The following BRSK2 variants were observed in gnomAD, a reference collection of about 807,000 sequenced individuals.
BRSK2 encodes BR serine/threonine kinase 2.
In BRSK2, 19 loss-of-function variants were observed where a neutral mutation model predicts 83.3. The ratio of observed to expected loss-of-function variants is 0.23; its 90% CI spans 0.16 to 0.33. The LOEUF is 0.33. Among genes scored for constraint, BRSK2 ranks in the 10% least tolerant of loss-of-function variants. The pLI is 1.00. For synonymous variants in BRSK2, 519 were observed against 435.4 expected, an observed-to-expected ratio of 1.19 and a Z score of -2.39; for missense variants, 798 against 1,042.3, an observed-to-expected ratio of 0.77 and a Z score of 3.23.
chr11:1,412,603 C>T (rs1022521335), intron 1 of BRSK2, among the ~76,000 whole-genome samples: 2 of 152,178 alleles, frequency 1.3e-5, no homozygotes, highest in Admixed American at 6.5e-5. Context: ...TCAGAAAATG[C>T]GAGACAGGGT....
At chr11:1,406,123 C>CCTCCTCCTGCCTGGCCTTCCT (rs1195309701) in intron 1 of BRSK2, among the ~76,000 whole-genome samples, 3 of 152,152 alleles carry the variant, frequency 2.0e-5, no homozygotes, top group African/African-American at 7.2e-5. Context: ...CCAGCCTTCC[C>CCTCCTCCTGCCTGGCCTTCCT]CTCCTCCTGC....
At chr11:1,417,045 G>A (rs1848171693) in intron 1 of BRSK2, among the ~76,000 whole-genome samples, 1 of 152,098 alleles carries the variant, frequency 6.6e-6, no homozygotes, top group South Asian at 2.1e-4. Flanking sequence ...TGTAATCCCA[G>A]CCACTCGGGA....
intron 1 of BRSK2, among the ~76,000 whole-genome samples, chr11:1,417,922 C>T (rs1174298469): frequency 2.1e-5 from 3 of 145,530 alleles, no homozygotes; most frequent in African/African-American, 7.8e-5. Context: ...TGTCCTGCTT[C>T]TGTTGGCAGT....
Position 1,397,448 on chromosome 11 carries a change from G to A in BRSK2, c.91+7073G>A, listed in dbSNP as rs144527256. ...GCCCCACCCACAGAGCAGTGCTCCC[G>A]AAAGTCCTGCTGTTAAAGAGAAACT... On this transcript the variant is annotated intron_variant, in intron 1 of 19. Transcript: ENST00000528841. Among the ~76,000 whole-genome samples, 473 of 152,334 alleles carry A rather than the reference G, an allele frequency of 3.1e-3. 2 individuals are homozygous for A. The highest frequency in any genetic ancestry group is 0.01 in the Middle Eastern group (3 of 294).
chr11:1,409,178 C>T (rs1847153267), intron 1 of BRSK2, among the ~76,000 whole-genome samples: 1 of 152,196 alleles, frequency 6.6e-6, no homozygotes, highest in Non-Finnish European at 1.5e-5. Flanking sequence ...GTTTCTCTGC[C>T]CCGCCCCAGC....
At chr11:1,420,420 C>T (rs1243135632) in intron 1 of BRSK2, among the ~76,000 whole-genome samples, 1 of 152,214 alleles carries the variant, frequency 6.6e-6, no homozygotes, top group Non-Finnish European at 1.5e-5. Flanking sequence ...TTCAGTTTTC[C>T]AGGTCCCCTG....
rs890737901 is a variant in BRSK2, at chr11:1,416,505, C to T, written c.92-19535C>T. On this transcript the variant is annotated intron_variant, in intron 1 of 19. Transcript: ENST00000528841. ...CCCTCGGACCGAAGGGCTTCCCACA[C>T]GTCTGTGTCCAACACGTTCCCCCGG... Among the ~76,000 whole-genome samples, 7 of 152,338 alleles carry T rather than the reference C, an allele frequency of 4.6e-5. No homozygotes were observed. In the East Asian group the frequency reaches 1.2e-3, roughly 25 times the overall value.
Position 1,454,742 on chromosome 11 carries a change from T to A in BRSK2, c.1668+134T>A. 1 of 1,206,434 alleles carries A rather than the reference T, an allele frequency of 8.3e-7. No individual in the cohort carries two copies. 74.7% of individuals were successfully genotyped at this position (1,206,434 alleles called of 1,614,324 possible). ...ACGGACGTCCGCTCACCCGTGGGCC[T>A]GCCTGGCCGCCTTCACTGGACAGGC... On this transcript the variant is annotated intron_variant, in intron 16 of 19. Coordinates refer to ENST00000528841, the MANE Select transcript of BRSK2 (RefSeq NM_001256627.2). This position sits in a 1 kb window ranked among gnomAD's most constrained non-coding sequence, Gnocchi z 5.2.
chr11:1,426,306 C>A (rs543302867), intron 1 of BRSK2, among the ~76,000 whole-genome samples: 2 of 151,302 alleles, frequency 1.3e-5, no homozygotes, highest in African/African-American at 4.9e-5. Context: ...GTGTGTGGGG[C>A]GTGCTCTGGG....
In BRSK2 at chr11:1,461,240, T is replaced by G. The variant is rs1442385707; in HGVS notation, c.*517T>G. 8 of 583,662 alleles carry G rather than the reference T, an allele frequency of 1.4e-5. No homozygotes were observed. Among genetic ancestry groups the G allele is most frequent in the East Asian group, 3.2e-5 (1 of 31,394 alleles). The allele number at this position is 583,662 out of a possible 1,614,324, so 36.2% of individuals were successfully genotyped here. A position where few individuals can be genotyped will look rare whatever the true frequency, so the allele number is the denominator to read the frequency against. Reference sequence around the variant, plus strand: ...AGCAAGAACAGCCTGCCTGGTGGCCTTCTGGGGCCAGGACCCCTGGTGGGC... The same window carrying G: ...AGCAAGAACAGCCTGCCTGGTGGCCGTCTGGGGCCAGGACCCCTGGTGGGC... On this transcript the variant is annotated 3_prime_UTR_variant, in exon 20 of 20. Coordinates refer to ENST00000528841, the MANE Select transcript of BRSK2 (RefSeq NM_001256627.2).
intron 1 of BRSK2, among the ~76,000 whole-genome samples, chr11:1,425,455 C>T (rs1029506063): frequency 1.3e-5 from 2 of 152,198 alleles, no homozygotes; most frequent in Non-Finnish European, 2.9e-5. Flanking sequence ...CGCTTGGTCC[C>T]AGAGGTGCGG....
intron 1 of BRSK2, among the ~76,000 whole-genome samples, chr11:1,406,552 C>A (rs184460034): frequency 6.6e-6 from 1 of 152,142 alleles, no homozygotes; most frequent in Non-Finnish European, 1.5e-5. Context: ...GCATGGGGGG[C>A]GAGCGGAGCT....
intron 13 of BRSK2, 63 bp downstream of exon 13, chr11:1,449,899 G>A (rs749585769): frequency 4.4e-5 from 58 of 1,317,090 alleles, no homozygotes; most frequent in South Asian, 1.6e-4. Flanking sequence ...CCCAGTCAGC[G>A]TGTGCCAGGG....
intron 12 of BRSK2, chr11:1,447,857 A>G: frequency 1.3e-6 from 2 of 1,596,600 alleles, no homozygotes; most frequent in Non-Finnish European, 1.7e-6. Flanking sequence ...TTCAGCAAAG[A>G]AGACAGGTAT....
At chr11:1,397,688 C>G (rs376213746) in intron 1 of BRSK2, among the ~76,000 whole-genome samples, 1 of 152,212 alleles carries the variant, frequency 6.6e-6, no homozygotes, top group Non-Finnish European at 1.5e-5. Context: ...GCACCATGCT[C>G]CTCGTTGGGT....
At chr11:1,449,381 G>C (rs952266676) in intron 12 of BRSK2, among the ~76,000 whole-genome samples, 1 of 152,236 alleles carries the variant, frequency 6.6e-6, no homozygotes, top group Non-Finnish European at 1.5e-5. Context: ...GCCAGGGGGG[G>C]CTTGGCAGGT....
rs1438849990 is a variant in BRSK2, at chr11:1,410,308, C to T, written c.91+19933C>T. On this transcript the variant is annotated intron_variant, in intron 1 of 19. Coordinates refer to ENST00000528841, the MANE Select transcript of BRSK2 (RefSeq NM_001256627.2). ...GGTTTGTGACGTCGGCCTCGCAGAGCGGTGACAGTTGCAGAGTCCGTGTTT... is the reference window on the plus strand; with the variant it reads ...GGTTTGTGACGTCGGCCTCGCAGAGTGGTGACAGTTGCAGAGTCCGTGTTT... 5 of 63,172 alleles carry T rather than the reference C, an allele frequency of 7.9e-5. No homozygotes were observed. In the Admixed American group the frequency reaches 8.6e-4, roughly 11 times the overall value. The allele number at this position is 63,172 out of a possible 1,614,324, so 3.9% of individuals were successfully genotyped here. A position where few individuals can be genotyped will look rare whatever the true frequency, so the allele number is the denominator to read the frequency against.
intron 1 of BRSK2, among the ~76,000 whole-genome samples, chr11:1,395,242 C>T (rs568274735): frequency 6.6e-6 from 1 of 152,274 alleles, no homozygotes; most frequent in Admixed American, 6.5e-5. Context: ...TTTCTACAAG[C>T]TGAGGTCTCA....
intron 1 of BRSK2, among the ~76,000 whole-genome samples, chr11:1,407,036 G>C (rs1418313487): frequency 6.6e-6 from 1 of 152,164 alleles, no homozygotes; most frequent in African/African-American, 2.4e-5. Context: ...ACAGGCGGAG[G>C]CTCCTAGGGT....
Sources: gnomAD v4.1 joint callset for allele counts (sites outside exome capture counted in the v4.1 genomes callset) on GRCh38, gnomAD v4.1.1 for gene constraint, Gnocchi (gnomAD v3.1) non-coding constraint, MANE v1.5 for transcripts, NCBI Gene and HGNC (gene_info 2026-07-23, HGNC 2026-07-21) for gene names.